CCDC150: variants seen among roughly 807,000 people sequenced by gnomAD.
CCDC150 encodes coiled-coil domain-containing protein 150.
Under a neutral mutation model 156.5 loss-of-function variants are expected in CCDC150, and 151 were observed. The ratio of observed to expected loss-of-function variants is 0.97; its 90% CI spans 0.85 to 1.10. The LOEUF (loss-of-function observed/expected upper bound fraction) is 1.10, where lower values mean the gene tolerates loss of function less well. Among genes scored for constraint, CCDC150 ranks in the 50% least tolerant of loss-of-function variants. CCDC150 has a pLI of 0.00. For synonymous variants in CCDC150, 452 were observed against 429.4 expected (o/e 1.05, Z -0.65); for missense variants, 1,312 against 1,268.1 (o/e 1.03, Z -0.53).
intron 2 of CCDC150, among the ~76,000 whole-genome samples, chr2:196,655,908 C>G (rs1456686937): frequency 6.6e-6 from 1 of 152,082 alleles, no homozygotes; most frequent in African/African-American, 2.4e-5. Context: ...CTGCCAAGCT[C>G]CCGTTCAGGC....
At chr2:196,729,694 G>A in intron 23 of CCDC150, 99 bp from the exon 24 acceptor site, 1 of 818,940 alleles carries the variant, frequency 1.2e-6, no homozygotes, top group Middle Eastern at 3.6e-4. Context: ...TGGTAACTTT[G>A]GGTCTCATAT....
chr2:196,672,187 C>A (rs1176119543), intron 8 of CCDC150, among the ~76,000 whole-genome samples, 158 bp from the exon 9 acceptor site: 1 of 151,924 alleles, frequency 6.6e-6, no homozygotes, highest in East Asian at 1.9e-4. Flanking sequence ...TTGAAGATAC[C>A]AAGATTTTTA....
At position 196,677,352 on chromosome 2, in the gene CCDC150, T is replaced by A. The variant is rs768279439; in HGVS notation, c.1500T>A (p.Ala500=). 9 of 1,546,622 alleles carry A rather than the reference T, an allele frequency of 5.8e-6. No individual in the cohort carries two copies. The change falls in exon 13 of 28, where the codon GCT becomes GCA. Residue 500 remains alanine, a synonymous_variant. Transcript: ENST00000389175. Reference sequence around the variant, plus strand: ...GATGCAATTTGGAAAAGGAATTAGCTAAAAACAAGGTATTCTTCATTTTAC... The same window carrying A: ...GATGCAATTTGGAAAAGGAATTAGCAAAAAACAAGGTATTCTTCATTTTAC... The part of the protein sequence containing the change: ...QERCNLEKEL[A]KNKVDINTLT...
At chr2:196,716,858 T>TC (rs1199125009) in intron 17 of CCDC150, among the ~76,000 whole-genome samples, 8 of 127,630 alleles carry the variant, frequency 6.3e-5, no homozygotes, top group Non-Finnish European at 1.4e-4. Context: ...TTTTTTTTTT[T>TC]TTTTTTTTTT....
intron 6 of CCDC150, 38 bp downstream of exon 6, chr2:196,665,721 G>T: frequency 8.0e-7 from 1 of 1,254,170 alleles, no homozygotes; most frequent in East Asian, 2.7e-5. Context: ...TTTGGGAAAT[G>T]AAACCAAACA....
At chr2:196,657,312 T>G (rs1431874502) in intron 4 of CCDC150, 176 bp downstream of exon 4, 1 of 588,708 alleles carries the variant, frequency 1.7e-6, no homozygotes, top group African/African-American at 1.9e-5. Context: ...ACTGATAACC[T>G]AAACCACTGT....
intron 1 of CCDC150, among the ~76,000 whole-genome samples, chr2:196,640,649 C>T (rs1265655009): frequency 6.6e-6 from 1 of 152,218 alleles, no homozygotes; most frequent in African/African-American, 2.4e-5. Flanking sequence ...ACCATCCAGG[C>T]CAAAAACCCT....
chr2:196,671,603 T>G (rs1404519819), intron 8 of CCDC150, among the ~76,000 whole-genome samples: 1 of 9,066 alleles, frequency 1.1e-4, no homozygotes, highest in Non-Finnish European at 2.1e-4. Flanking sequence ...AATTTTTGTA[T>G]TTTTTAGTAG....
chr2:196,651,701 CTCTTTG>C (rs1360066622), intron 2 of CCDC150, among the ~76,000 whole-genome samples: 5 of 150,434 alleles, frequency 3.3e-5, no homozygotes, highest in South Asian at 4.4e-4. Context: ...GCTTTTAAAA[CTCTTTG>C]TCTTTAACTT....
chr2:196,664,149 T>C (rs1693711458), intron 5 of CCDC150, among the ~76,000 whole-genome samples: 1 of 152,198 alleles, frequency 6.6e-6, no homozygotes, highest in South Asian at 2.1e-4. Context: ...TTCTGACACC[T>C]GAAGACACAC....
chr2:196,673,175 A>G (rs895063511), intron 9 of CCDC150, among the ~76,000 whole-genome samples: 2 of 152,184 alleles, frequency 1.3e-5, no homozygotes, highest in African/African-American at 4.8e-5. Context: ...AGCCCCTTCT[A>G]CATTCCAGGC....
chr2:196,656,458 C>G (rs1407316631), intron 2 of CCDC150, among the ~76,000 whole-genome samples, 175 bp from the exon 3 acceptor site: 2 of 152,122 alleles, frequency 1.3e-5, no homozygotes, highest in African/African-American at 4.8e-5. Flanking sequence ...AATCAATTCT[C>G]AGAGGGAATT....
intron 15 of CCDC150, among the ~76,000 whole-genome samples, chr2:196,706,562 G>C (rs1265048514): frequency 6.6e-6 from 1 of 152,196 alleles, no homozygotes; most frequent in African/African-American, 2.4e-5. Context: ...GAATAGGAGT[G>C]GTGAGAGAGG....
chr2:196,712,010 C>G (rs1255350788), intron 15 of CCDC150, 135 bp from the exon 16 acceptor site: 1 of 377,390 alleles, frequency 2.6e-6, no homozygotes, highest in South Asian at 9.3e-5. Context: ...TAAAGATTCT[C>G]TGTAATTTTT....
Position 196,713,627 on chromosome 2 carries a change from C to G in CCDC150, c.1866+888C>G, listed in dbSNP as rs1462259537. 6 of 1,497,830 alleles carry G rather than the reference C, an allele frequency of 4.0e-6. No homozygotes were observed. The Admixed American group carries it at 7.4e-5, about 18-fold the overall frequency. The allele number at this position is 1,497,830 out of a possible 1,614,324, so 92.8% of individuals were successfully genotyped here. On this transcript the variant is annotated intron_variant, in intron 17 of 27. Transcript: ENST00000389175. ...AAGACTGGAAGGCAAAATAGAGATT[C>G]TAGCCTCAAGACCTTTAATAAATGA...
chr2:196,695,135 G>A lies in CCDC150; in HGVS notation c.1599G>A (p.Gln533=). The change falls in exon 14 of 28, where the codon CAG becomes CAA. Residue 533 remains glutamine, a synonymous_variant. Transcript: ENST00000389175. ...ATCAAATGGCTTCCCTAGAACTTCA[G>A]CAAGTCACTTCTGATTACCATGGGG... ...LADQMASLEL[Q]QVTSDYHGLA... 1 of 1,607,460 alleles carries A rather than the reference G, an allele frequency of 6.2e-7. No individual in the cohort carries two copies. Among genetic ancestry groups the A allele is most frequent in the South Asian group, 1.1e-5 (1 of 90,824 alleles).
rs1485866172 is a variant in CCDC150, at chr2:196,674,276, G to A, written c.1065G>A (p.Glu355=). The A allele has an allele frequency of 2.5e-6, 4 of 1,603,024 alleles. No homozygotes were observed. Among genetic ancestry groups the A allele is most frequent in the Middle Eastern group, 1.6e-4 (1 of 6,070 alleles). ...LNDQLTKKCS[E]LSCMLQTVTM... is the part of the protein sequence containing the mutation. ...ACCAATTGACTAAAAAGTGTTCAGA[G>A]TTGAGCTGCATGCTTCAGACTGTTA... Residue 355 remains glutamate (E), a synonymous_variant, in exon 10 of 28, where the codon GAG becomes GAA. Coordinates refer to ENST00000389175, the MANE Select transcript of CCDC150 (RefSeq NM_001080539.2).
At chr2:196,730,992 CAGCAACCCTGA>C in intron 26 of CCDC150, 47 bp downstream of exon 26, 1 of 1,446,266 alleles carries the variant, frequency 6.9e-7, no homozygotes, top group Non-Finnish European at 9.4e-7. Context: ...TCCTTCAACA[CAGCAACCCTGA>C]AGCAACCCAA....
At position 196,718,417 on chromosome 2, in the gene CCDC150, C is replaced by T. The variant is rs1697668059; in HGVS notation, c.1867-86C>T. 6 of 1,046,098 alleles carry T rather than the reference C, an allele frequency of 5.7e-6. No homozygotes were observed. In the South Asian group the frequency reaches 7.3e-5, roughly 13 times the overall value. The allele number at this position is 1,046,098 out of a possible 1,614,324, so 64.8% of individuals were successfully genotyped here. On this transcript the variant is annotated intron_variant, in intron 17 of 27. Coordinates refer to ENST00000389175, the MANE Select transcript of CCDC150 (RefSeq NM_001080539.2). ...ATAGTAGTGAATAAATATATTTAAA[C>T]ATTTAAAATTTGGTTTCTAAATTTC...
Sources: gnomAD v4.1 joint callset for allele counts (sites outside exome capture counted in the v4.1 genomes callset) on GRCh38, gnomAD v4.1.1 for gene constraint, MANE v1.5 for transcripts, NCBI Gene and HGNC (gene_info 2026-07-23, HGNC 2026-07-21) for gene names.